ADNP2: variants seen among roughly 807,000 people sequenced by gnomAD.
The protein encoded by ADNP2 is activity-dependent neuroprotector homeobox protein 2.
ADNP2 carries 8 observed loss-of-function variants against 16.4 expected under a neutral mutation model. The observed-to-expected ratio is 0.49, with a 90% CI of 0.29 to 0.88. The LOEUF is 0.88. ADNP2 is among the 40% of genes least tolerant of loss of function. ADNP2 has a pLI of 0.09. For synonymous variants in ADNP2, 637 were observed against 545.8 expected (o/e 1.17, Z -2.33); for missense variants, 1,397 against 1,395.1 (o/e 1.00, Z -0.02).
At chr18:80,119,916 C>A (rs11661714) in intron 2 of ADNP2, among the ~76,000 whole-genome samples, 5 of 152,188 alleles carry the variant, frequency 3.3e-5, no homozygotes, top group Middle Eastern at 3.4e-3. Context: ...CACCTCCCCC[C>A]CAACCCCCAA....
exon 4 of ADNP2, chr18:80,140,345 AATAGAAC>A (rs1306535885): frequency 6.6e-6 from 1 of 152,600 alleles, no homozygotes; most frequent in African/African-American, 2.4e-5. Context: ...CACCGCTGCA[AATAGAAC>A]TGTTTAATTC....
At chr18:80,109,748 G>C (rs1193248408) in intron 1 of ADNP2, 2 of 151,022 alleles carry the variant, frequency 1.3e-5, no homozygotes, top group African/African-American at 2.4e-5. Context: ...GGGCCGCCCC[G>C]GGAGGGCGGA....
At chr18:80,119,022 G>A (rs1404121528) in intron 2 of ADNP2, among the ~76,000 whole-genome samples, 7 of 152,052 alleles carry the variant, frequency 4.6e-5, no homozygotes, top group African/African-American at 9.7e-5. Context: ...AGACTCACGC[G>A]TAAACCATTA....
rs2052555007 is a variant in ADNP2, at chr18:80,138,108, C to T, written c.2695C>T (p.His899Tyr). Residue 899 changes from histidine (H) to tyrosine (Y), a missense_variant, in exon 4 of 4, where the codon CAC becomes TAC. By Grantham distance (83) the His-to-Tyr change is moderately conservative. This residue lies in a region of ADNP2 where 611 missense variants were observed against 648.7 expected (regional missense o/e 0.94). Transcript: ENST00000262198. ...TGAGCTGCATTTGAAGGAGAGGCACCACATCATGCCCACAGTCCACACGGT... is the reference window on the plus strand; with the variant it reads ...TGAGCTGCATTTGAAGGAGAGGCACTACATCATGCCCACAGTCCACACGGT... ...AYELHLKERHHIMPTVHTVLK... is the reference protein window; with the variant it reads ...AYELHLKERHYIMPTVHTVLK... 6.2e-7 allele frequency: 1 copy of T among 1,613,858 alleles called. No individual in the cohort carries two copies. The highest frequency in any genetic ancestry group is 8.5e-7 in the Non-Finnish European group (1 of 1,180,038).
At chr18:80,115,011 T>A (rs1206948185) in intron 1 of ADNP2, among the ~76,000 whole-genome samples, 3 of 152,194 alleles carry the variant, frequency 2.0e-5, no homozygotes, top group African/African-American at 7.2e-5. Flanking sequence ...ATGGCATTAT[T>A]TCCTCCATAC....
In ADNP2 at chr18:80,138,815, GC is replaced by G; in HGVS notation, c.*7del. ...ACTTTGAATATGAACCATAAAACTTGCAAAAAAAAAAAAAAGTAACTCTAAA... is the reference window on the plus strand; with the variant it reads ...ACTTTGAATATGAACCATAAAACTTGAAAAAAAAAAAAAAGTAACTCTAAA... On this transcript the variant is annotated 3_prime_UTR_variant, in exon 4 of 4. Transcript: ENST00000262198. The G allele has an allele frequency of 6.0e-6, 7 of 1,166,090 alleles. No individual in the cohort carries two copies. Among genetic ancestry groups the G allele is most frequent in the South Asian group, 4.3e-5 (2 of 46,188 alleles). 72.2% of individuals were successfully genotyped at this position (1,166,090 alleles called of 1,614,324 possible).
At position 80,135,761 on chromosome 18, in the gene ADNP2, G is replaced by A. The variant is rs2052528033; in HGVS notation, c.348G>A (p.Gln116=). 1.2e-6 allele frequency: 2 copies of A among 1,614,210 alleles called. No homozygotes were observed. Among genetic ancestry groups the A allele is most frequent in the African/African-American group, 1.3e-5 (1 of 75,044 alleles). Residue 116 remains glutamine (Q), a synonymous_variant, in exon 4 of 4, where the codon CAG becomes CAA. Coordinates refer to ENST00000262198, the MANE Select transcript of ADNP2 (RefSeq NM_014913.4). ...GCCCAAACTGTGTATTTGCATCTCA[G>A]CCCAAAGTTGTGGGAAGGCACTTCA... is the stretch of plus-strand genomic sequence containing the variant. ...IPCPNCVFAS[Q]PKVVGRHFRM...
intron 1 of ADNP2, among the ~76,000 whole-genome samples, chr18:80,114,206 GA>G (rs1053866224): frequency 1.5e-5 from 2 of 137,500 alleles, no homozygotes; most frequent in African/African-American, 5.2e-5. Context: ...AAAAAAAAAA[GA>G]AAAAAAAGAT....
intron 2 of ADNP2, among the ~76,000 whole-genome samples, chr18:80,119,612 A>G (rs539368279): frequency 4.0e-4 from 61 of 152,270 alleles, no homozygotes; most frequent in African/African-American, 1.1e-3. Flanking sequence ...AACACCTCCA[A>G]TAGGAGGCTG....
At position 80,136,209 on chromosome 18, in the gene ADNP2, A is replaced by G. The variant is rs1599822461; in HGVS notation, c.796A>G (p.Ile266Val). 1.2e-6 allele frequency: 2 copies of G among 1,614,254 alleles called. No homozygotes were observed. Among genetic ancestry groups the G allele is most frequent in the East Asian group, 2.2e-5 (1 of 44,886 alleles). Residue 266 changes from isoleucine to valine, a missense_variant, in exon 4 of 4, where the codon ATT becomes GTT. Physicochemically the swap from Ile to Val is conservative, Grantham distance 29 (BLOSUM62 3). This residue lies in a region of ADNP2 where 777 missense variants were observed against 719.4 expected (regional missense o/e 1.08). Transcript: ENST00000262198. ...KRTGLLKQTH[I>V]APKPAAHLAA... ...GACTGGACTCTTGAAGCAAACGCAC[A>G]TTGCTCCAAAACCAGCAGCACATTT...
At position 80,136,497 on chromosome 18, in the gene ADNP2, C is replaced by T; in HGVS notation, c.1084C>T (p.Pro362Ser). The change falls in exon 4 of 4, where the codon CCA becomes TCA. Residue 362 changes from proline (P) to serine (S), a missense_variant. Pro to Ser is a moderately conservative substitution (Grantham distance 74). Coordinates refer to ENST00000262198, the MANE Select transcript of ADNP2 (RefSeq NM_014913.4). ...PQPVFLSHGV[P>S]LHQSVNPPVL... ...GCCCGTCTTTCTTTCTCACGGGGTT[C>T]CACTTCATCAGTCTGTGAATCCTCC... 6.2e-7 allele frequency: 1 copy of T among 1,614,182 alleles called. No individual in the cohort carries two copies. Among genetic ancestry groups the T allele is most frequent in the Non-Finnish European group, 8.5e-7 (1 of 1,180,036 alleles).
chr18:80,128,512 T>C (rs2052474826), intron 2 of ADNP2, among the ~76,000 whole-genome samples: 1 of 152,058 alleles, frequency 6.6e-6, no homozygotes, highest in Non-Finnish European at 1.5e-5. Context: ...TAGCCCGACG[T>C]GGTGGCATGT....
At chr18:80,128,942 C>T (rs2052477934) in intron 2 of ADNP2, among the ~76,000 whole-genome samples, 2 of 151,988 alleles carry the variant, frequency 1.3e-5, no homozygotes, top group South Asian at 2.1e-4. Flanking sequence ...TTAGCTGTTT[C>T]TGTGTGTTTA....
At chr18:80,119,580 G>T (rs1235713134) in intron 2 of ADNP2, among the ~76,000 whole-genome samples, 1 of 152,160 alleles carries the variant, frequency 6.6e-6, no homozygotes, top group Non-Finnish European at 1.5e-5. Flanking sequence ...CAGCACATGT[G>T]ACTTCAATCT....
chr18:80,135,685 A>C lies in ADNP2; in HGVS notation c.272A>C (p.His91Pro). The change falls in exon 4 of 4, where the codon CAT becomes CCT. Residue 91 changes from histidine (H) to proline (P), a missense_variant. His to Pro is a moderately conservative substitution (Grantham distance 77). Transcript: ENST00000262198. Reference sequence around the variant, plus strand: ...AAGGTGCTTACTTCATTCAAGAATCATTTACATCGTTACCATGAAGATGAA... The same window carrying C: ...AAGGTGCTTACTTCATTCAAGAATCCTTTACATCGTTACCATGAAGATGAA... ...STKVLTSFKN[H>P]LHRYHEDEID... 6.2e-7 allele frequency: 1 copy of C among 1,614,228 alleles called. No homozygotes were observed.
chr18:80,115,624 T>C (rs1242128581), intron 1 of ADNP2, among the ~76,000 whole-genome samples: 2 of 152,226 alleles, frequency 1.3e-5, no homozygotes, highest in African/African-American at 2.4e-5. Flanking sequence ...GCTTGAGATA[T>C]AATTTATGTA....
chr18:80,114,564 A>G (rs927783369), intron 1 of ADNP2, among the ~76,000 whole-genome samples: 4 of 152,212 alleles, frequency 2.6e-5, no homozygotes, highest in Non-Finnish European at 5.9e-5. Context: ...AAACAAGAAC[A>G]TTCTCCTACA....
intron 2 of ADNP2, among the ~76,000 whole-genome samples, chr18:80,131,773 C>T (rs904980074): frequency 6.8e-6 from 1 of 148,076 alleles, no homozygotes; most frequent in African/African-American, 2.5e-5. Context: ...ACTGCATGTT[C>T]TTACTCACAG....
rs758856926 is a variant in ADNP2 at position 80,136,619 on chromosome 18, C to T, written c.1206C>T (p.Pro402=). 2.5e-6 allele frequency: 4 copies of T among 1,614,066 alleles called. No individual in the cohort carries two copies. Among genetic ancestry groups the T allele is most frequent in the Middle Eastern group, 1.6e-4 (1 of 6,084 alleles). ...AGACTGTTCGCCCTGGGGTTTTACC[C>T]CTCACCCAGCCTGTGGGACCCATAA... ...INQTVRPGVL[P]LTQPVGPINR... Residue 402 remains proline (P), a synonymous_variant, in exon 4 of 4, where the codon CCC becomes CCT. Coordinates refer to ENST00000262198, the MANE Select transcript of ADNP2 (RefSeq NM_014913.4).
Sources: allele counts gnomAD v4.1 joint callset (sites outside exome capture counted in the v4.1 genomes callset), GRCh38; gene constraint gnomAD v4.1.1; regional missense constraint gnomAD v4.1.1; transcripts MANE v1.5; gene names NCBI Gene and HGNC (gene_info 2026-07-23, HGNC 2026-07-21).